Variants in EEFSEC observed in about 807,000 individuals in gnomAD.
EEFSEC encodes selenocysteine-specific elongation factor.
Under a neutral mutation model 42.1 loss-of-function variants are expected in EEFSEC, and 43 were observed. That is an observed-to-expected ratio of 1.02 (90% CI 0.80 to 1.32). The LOEUF (loss-of-function observed/expected upper bound fraction) is 1.32, where lower values mean the gene tolerates loss of function less well. Among genes scored for constraint, EEFSEC ranks in the 40% most tolerant of loss-of-function variants. EEFSEC has a pLI of 0.00. For missense variants in EEFSEC, 745 were observed against 803.6 expected (o/e 0.93, Z 0.88); for synonymous variants, 354 against 339.1 (o/e 1.04, Z -0.48).
chr3:128,276,069 C>T (rs966033795), intron 4 of EEFSEC, among the ~76,000 whole-genome samples: 1 of 152,192 alleles, frequency 6.6e-6, no homozygotes, highest in African/African-American at 2.4e-5. Context: ...TGCTTTCACT[C>T]CAGCTTTTCC....
chr3:128,232,134 A>G (rs542375719), intron 1 of EEFSEC, among the ~76,000 whole-genome samples: 1 of 152,284 alleles, frequency 6.6e-6, no homozygotes, highest in African/African-American at 2.4e-5. Context: ...CTGTTATAGT[A>G]TATGAGGGCA....
At chr3:128,371,391 T>A (rs1259102753) in intron 6 of EEFSEC, among the ~76,000 whole-genome samples, 1 of 152,084 alleles carries the variant, frequency 6.6e-6, no homozygotes, top group Non-Finnish European at 1.5e-5. Context: ...CTGCAGGGTG[T>A]TTGTGGGTAT....
intron 5 of EEFSEC, among the ~76,000 whole-genome samples, chr3:128,342,642 G>A (rs138856277): frequency 4.8e-4 from 73 of 152,284 alleles, no homozygotes; most frequent in Middle Eastern, 3.4e-3. Flanking sequence ...CTTGCTGGGC[G>A]GCCCTTGGCC....
At chr3:128,247,295 C>G (rs1423471396) in intron 2 of EEFSEC, among the ~76,000 whole-genome samples, 3 of 152,224 alleles carry the variant, frequency 2.0e-5, no homozygotes, top group Non-Finnish European at 4.4e-5. Context: ...TTCTGTGTCT[C>G]AGCTCACAGG....
chr3:128,186,651 G>T (rs544319744), intron 1 of EEFSEC, among the ~76,000 whole-genome samples: 4 of 152,122 alleles, frequency 2.6e-5, no homozygotes, highest in African/African-American at 4.8e-5. Flanking sequence ...ATATCTGGTT[G>T]TCCCAGTTTT....
intron 1 of EEFSEC, among the ~76,000 whole-genome samples, chr3:128,156,182 G>A (rs780723126): frequency 6.6e-6 from 1 of 152,232 alleles, no homozygotes; most frequent in Non-Finnish European, 1.5e-5. Flanking sequence ...GCTGTATGAC[G>A]TTTGAACCTA....
chr3:128,192,466 T>C (rs889093287), intron 1 of EEFSEC, among the ~76,000 whole-genome samples: 4 of 152,222 alleles, frequency 2.6e-5, no homozygotes, highest in Non-Finnish European at 4.4e-5. Flanking sequence ...GGCTGTTTCC[T>C]AATCACTTTC....
chr3:128,369,438 A>G (rs1050561887), intron 6 of EEFSEC, among the ~76,000 whole-genome samples: 3 of 152,174 alleles, frequency 2.0e-5, no homozygotes, highest in African/African-American at 7.2e-5. Flanking sequence ...TTCTGGGGCA[A>G]CCCCAATAAC....
At chr3:128,281,003 G>A (rs999667814) in intron 4 of EEFSEC, among the ~76,000 whole-genome samples, 2 of 152,136 alleles carry the variant, frequency 1.3e-5, no homozygotes, top group Non-Finnish European at 2.9e-5. Flanking sequence ...CACAGCAGCT[G>A]CCATCTTTGC....
At chr3:128,286,690 G>A (rs2066589785) in intron 4 of EEFSEC, among the ~76,000 whole-genome samples, 1 of 152,156 alleles carries the variant, frequency 6.6e-6, no homozygotes, top group Non-Finnish European at 1.5e-5. Context: ...CTTCTCCAAG[G>A]AGCCTGACAC....
chr3:128,208,396 C>T (rs1019230676), intron 1 of EEFSEC, among the ~76,000 whole-genome samples: 4 of 152,126 alleles, frequency 2.6e-5, no homozygotes, highest in African/African-American at 9.7e-5. Flanking sequence ...GAAAAATGAC[C>T]AAATTGTTCT....
chr3:128,424,078 C>T, the EEFSEC span, among the ~76,000 whole-genome samples: 2 of 152,180 alleles, frequency 1.3e-5, no homozygotes, highest in African/African-American at 4.8e-5. Flanking sequence ...CACGTGCACA[C>T]ACGCACACTT....
At chr3:128,276,622 C>T (rs957505918) in intron 4 of EEFSEC, among the ~76,000 whole-genome samples, 1 of 152,174 alleles carries the variant, frequency 6.6e-6, no homozygotes, top group African/African-American at 2.4e-5. Flanking sequence ...GTCTTGAGCA[C>T]CTACTATGAG....
At chr3:128,263,250 A>G (rs1031414228) in intron 3 of EEFSEC, among the ~76,000 whole-genome samples, 2 of 152,230 alleles carry the variant, frequency 1.3e-5, no homozygotes, top group African/African-American at 4.8e-5. Flanking sequence ...AGATTCAAAG[A>G]TGTTAAATAA....
intron 1 of EEFSEC, among the ~76,000 whole-genome samples, chr3:128,231,689 T>C (rs1286688118): frequency 6.6e-6 from 1 of 152,058 alleles, no homozygotes; most frequent in Admixed American, 6.5e-5. Flanking sequence ...CAAGGTGGAC[T>C]CAGTGTCCAT....
intron 1 of EEFSEC, among the ~76,000 whole-genome samples, chr3:128,223,738 G>T (rs937230578): frequency 6.6e-6 from 1 of 152,190 alleles, no homozygotes; most frequent in Non-Finnish European, 1.5e-5. Flanking sequence ...CCAGCACCTG[G>T]TGCATAAAAA....
chr3:128,342,365 C>T (rs1453888286), intron 5 of EEFSEC, among the ~76,000 whole-genome samples: 1 of 152,248 alleles, frequency 6.6e-6, no homozygotes, highest in African/African-American at 2.4e-5. Flanking sequence ...GGAAACACTG[C>T]CCATCAGTGG....
intron 6 of EEFSEC, among the ~76,000 whole-genome samples, chr3:128,399,136 G>C (rs1181149881): frequency 6.6e-6 from 1 of 152,062 alleles, no homozygotes; most frequent in African/African-American, 2.4e-5. Context: ...TCCGCATAAT[G>C]CACTGGTGTT....
chr3:128,290,734 T>C (rs2066634423), intron 4 of EEFSEC, among the ~76,000 whole-genome samples: 1 of 152,088 alleles, frequency 6.6e-6, no homozygotes, highest in African/African-American at 2.4e-5. Context: ...TTATCGTTTT[T>C]TGGGGTTGTT....
Sources: allele counts gnomAD v4.1 joint callset (sites outside exome capture counted in the v4.1 genomes callset), GRCh38; gene constraint gnomAD v4.1.1; transcripts MANE v1.5; gene names NCBI Gene and HGNC (gene_info 2026-07-23, HGNC 2026-07-21).